Variants in SIN3B observed in about 807,000 individuals in gnomAD.
The protein encoded by SIN3B is paired amphipathic helix protein Sin3b.
A neutral mutation model predicts 120.2 loss-of-function variants in SIN3B; 19 were observed. That is an observed-to-expected ratio of 0.16 (90% CI 0.11 to 0.23). The LOEUF (loss-of-function observed/expected upper bound fraction) is 0.23. Ranked by LOEUF, SIN3B falls within the 10% of genes least tolerant of loss-of-function variation. The pLI, the probability that SIN3B is intolerant of heterozygous loss-of-function variation, is 1.00. For synonymous variants in SIN3B, 654 were observed against 653.2 expected (o/e 1.00, Z -0.02); for missense variants, 1,073 against 1,573.0 (o/e 0.68, Z 5.38).
intron 6 of SIN3B, among the ~76,000 whole-genome samples, chr19:16,852,528 TG>T (rs1198039676): frequency 4.6e-5 from 7 of 152,212 alleles, no homozygotes; most frequent in Admixed American, 6.5e-5. Flanking sequence ...ATTACAGGCG[TG>T]AGTCCCTGCA....
intron 5 of SIN3B, among the ~76,000 whole-genome samples, chr19:16,850,803 G>A (rs527882430): frequency 6.6e-6 from 1 of 152,322 alleles, no homozygotes; most frequent in African/African-American, 2.4e-5. Flanking sequence ...TTGGCACCCT[G>A]TAGGCACCCT....
chr19:16,862,370 T>C lies in SIN3B; in HGVS notation c.1077T>C (p.Phe359=), dbSNP rs1203310924. The C allele has an allele frequency of 4.3e-6, 7 of 1,614,002 alleles. No homozygotes were observed. The South Asian group carries it at 5.5e-5, about 13-fold the overall frequency. ...SPFLGKFPEL[F]AQFKSFLGVK... ...TTTGAAGGAAATTTCCAGAACTCTT[T>C]GCACAGTTCAAGTCCTTCCTGGGGG... is the stretch of plus-strand genomic sequence containing the variant. The change falls in exon 9 of 19, where the codon TTT becomes TTC. Residue 359 remains phenylalanine, a synonymous_variant. Transcript: ENST00000248054. This position sits in a 1 kb window ranked among gnomAD's most constrained non-coding sequence, Gnocchi z 4.7.
Position 16,829,778 on chromosome 19 carries a change from C to A in SIN3B, c.121-13C>A. 4 of 1,604,464 alleles carry A rather than the reference C, an allele frequency of 2.5e-6. No individual in the cohort carries two copies. The highest frequency in any genetic ancestry group is 3.4e-6 in the Non-Finnish European group (4 of 1,171,604). On this transcript the variant is annotated splice_polypyrimidine_tract_variant and intron_variant, in intron 1 of 18. Transcript: ENST00000248054. Reference sequence around the variant, plus strand: ...GCGGCCAGGGCCCACCGGGACCCTCCCCCTCTCTGCAGGTAGAAGACGCCC... The same window carrying A: ...GCGGCCAGGGCCCACCGGGACCCTCACCCTCTCTGCAGGTAGAAGACGCCC...
chr19:16,854,197 G>A lies in SIN3B; in HGVS notation c.994G>A (p.Ala332Thr), dbSNP rs760752165. 10 of 1,612,608 alleles carry A rather than the reference G, an allele frequency of 6.2e-6. No individual in the cohort carries two copies. The highest frequency in any genetic ancestry group is 1.7e-5 in the Admixed American group (1 of 59,938). ...GTATGAAAACTTCCTCCGCTGCATCGCACTCTTCAACCAGGAGCTGGTGTC... is the reference window on the plus strand; with the variant it reads ...GTATGAAAACTTCCTCCGCTGCATCACACTCTTCAACCAGGAGCTGGTGTC... ...EVYENFLRCI[A>T]LFNQELVSGS... The change falls in exon 8 of 19, where the codon GCA becomes ACA. Residue 332 changes from alanine (A) to threonine (T), a missense_variant. This residue lies in a region of SIN3B where 395 missense variants were observed against 528.0 expected (regional missense o/e 0.75). Coordinates refer to ENST00000248054, the MANE Select transcript of SIN3B (RefSeq NM_001297595.2).
intron 13 of SIN3B, among the ~76,000 whole-genome samples, chr19:16,870,857 T>A (rs1277219763): frequency 6.6e-6 from 1 of 151,956 alleles, no homozygotes; most frequent in African/African-American, 2.4e-5. Context: ...CCCAGCCCAA[T>A]TTTTTGTATT....
chr19:16,829,784 T>C lies in SIN3B; in HGVS notation c.121-7T>C. On this transcript the variant is annotated splice_region_variant and splice_polypyrimidine_tract_variant and intron_variant, in intron 1 of 18. Transcript: ENST00000248054. The stretch of plus-strand genomic sequence containing the variant: ...AGGGCCCACCGGGACCCTCCCCCTC[T>C]CTGCAGGTAGAAGACGCCCTCACCT... 6.2e-7 allele frequency: 1 copy of C among 1,603,924 alleles called. No individual in the cohort carries two copies. The highest frequency in any genetic ancestry group is 8.5e-7 in the Non-Finnish European group (1 of 1,173,194).
chr19:16,871,621 G>A (rs947518928), intron 14 of SIN3B: 11 of 501,846 alleles, frequency 2.2e-5, no homozygotes, highest in African/African-American at 1.8e-4. Flanking sequence ...CCTCTGTCTA[G>A]TTCCAGAACA....
Position 16,857,547 on chromosome 19 carries a change from GTGTGTGTA to G in SIN3B, c.1058+3288_1058+3295del, listed in dbSNP as rs1351881115. ...TGTGTGTGTGTGTGTGTGTGTGTGT[GTGTGTGTA>G]TATATACACATAAACATTTTTCTAA... On this transcript the variant is annotated intron_variant, in intron 8 of 18. Coordinates refer to ENST00000248054, the MANE Select transcript of SIN3B (RefSeq NM_001297595.2). Among the ~76,000 whole-genome samples, 474 of 144,360 alleles carry G rather than the reference GTGTGTGTA, an allele frequency of 3.3e-3. 5 individuals are homozygous for G. Among genetic ancestry groups the G allele is most frequent in the African/African-American group, 0.012 (451 of 37,998 alleles). 94.7% of individuals were successfully genotyped at this position (144,360 alleles called of 152,430 possible).
chr19:16,832,191 CT>C lies in SIN3B; in HGVS notation c.381+567del, dbSNP rs10528185. ...TTCTTGGGTGATAGGTGCTGGCCCT[CT>C]TTTTTTTTTTTTTTTTTTTTTTGGA... On this transcript the variant is annotated intron_variant, in intron 3 of 18. Coordinates refer to ENST00000248054, the MANE Select transcript of SIN3B (RefSeq NM_001297595.2). Among the ~76,000 whole-genome samples, 626 of 125,292 alleles carry C rather than the reference CT, an allele frequency of 5.0e-3. 3 individuals carry two copies. Among genetic ancestry groups the C allele is most frequent in the Non-Finnish European group, 8.5e-3 (507 of 59,716 alleles). 82.2% of individuals were successfully genotyped at this position (125,292 alleles called of 152,430 possible). A position where few individuals can be genotyped will look rare whatever the true frequency, so the allele number is the denominator to read the frequency against.
Position 16,869,506 on chromosome 19 carries a change from C to T in SIN3B, c.1853C>T (p.Pro618Leu), listed in dbSNP as rs2051476705. The T allele has an allele frequency of 3.7e-6, 6 of 1,613,544 alleles. No individual in the cohort carries two copies. The highest frequency in any genetic ancestry group is 5.1e-6 in the Non-Finnish European group (6 of 1,179,742). ...SEGRSAPSSE[P>L]HLIFVYEDRQ... Reference sequence around the variant, plus strand: ...GGCCGCAGTGCCCCCTCTAGCGAGCCGCACCTCATCTTTGTGTACGAGGAC... The same window carrying T: ...GGCCGCAGTGCCCCCTCTAGCGAGCTGCACCTCATCTTTGTGTACGAGGAC... The change falls in exon 13 of 19, where the codon CCG becomes CTG. Residue 618 changes from proline (P) to leucine (L), a missense_variant. By Grantham distance (98) the Pro-to-Leu change is moderately conservative. Around this residue, in one of 7 missense-constraint regions of SIN3B, gnomAD observed 169 missense variants for 207.3 expected, o/e 0.82. Transcript: ENST00000248054.
intron 14 of SIN3B, among the ~76,000 whole-genome samples, chr19:16,871,863 G>C (rs774354168): frequency 6.6e-6 from 1 of 152,166 alleles, no homozygotes; most frequent in Non-Finnish European, 1.5e-5. Context: ...ATGCTGCTCT[G>C]AACATTTGTG....
chr19:16,851,133 C>CT (rs1971539450), intron 5 of SIN3B, among the ~76,000 whole-genome samples: 1 of 152,262 alleles, frequency 6.6e-6, no homozygotes, highest in South Asian at 2.1e-4. Flanking sequence ...ACTCAGCTGT[C>CT]TCCCTCCTGA....
intron 3 of SIN3B, among the ~76,000 whole-genome samples, chr19:16,834,829 C>T (rs1278799919): frequency 6.6e-6 from 1 of 152,218 alleles, no homozygotes; most frequent in South Asian, 2.1e-4. Context: ...TTTCGGCTCC[C>T]TGGAGTCCTT....
intron 11 of SIN3B, 107 bp downstream of exon 11, chr19:16,865,755 C>A: frequency 1.3e-6 from 1 of 756,716 alleles, no homozygotes; most frequent in Non-Finnish European, 2.1e-6. Flanking sequence ...CTCATTAGTG[C>A]TGTTTGTCAA....
At chr19:16,864,951 T>C (rs1841905546) in intron 10 of SIN3B, among the ~76,000 whole-genome samples, 1 of 151,886 alleles carries the variant, frequency 6.6e-6, no homozygotes, top group South Asian at 2.1e-4. Flanking sequence ...TCTCCTGCCT[T>C]AGCCTCCTGA....
At chr19:16,864,423 G>C (rs1293614560) in intron 10 of SIN3B, among the ~76,000 whole-genome samples, 2 of 152,014 alleles carry the variant, frequency 1.3e-5, no homozygotes, top group African/African-American at 4.8e-5. Flanking sequence ...TGACCTCCCA[G>C]GCTCAAATGA....
At chr19:16,849,273 G>A (rs1270768634) in intron 5 of SIN3B, among the ~76,000 whole-genome samples, 1 of 152,226 alleles carries the variant, frequency 6.6e-6, no homozygotes, top group Non-Finnish European at 1.5e-5. Flanking sequence ...GGGCCAGATA[G>A]TAAGTATCAC....
intron 13 of SIN3B, 96 bp from the exon 14 acceptor site, chr19:16,871,133 T>C: frequency 3.4e-6 from 5 of 1,485,350 alleles, no homozygotes; most frequent in Non-Finnish European, 4.7e-6. Flanking sequence ...TTGGGCCCCA[T>C]GGGGGCATTT....
At chr19:16,873,525 C>T (rs923855171) in intron 14 of SIN3B, among the ~76,000 whole-genome samples, 22 of 143,136 alleles carry the variant, frequency 1.5e-4, no homozygotes, top group Non-Finnish European at 2.6e-4. Context: ...TGTCCCCTCC[C>T]CCCCCCCCCA....
Sources: allele counts gnomAD v4.1 joint callset (sites outside exome capture counted in the v4.1 genomes callset), GRCh38; gene constraint gnomAD v4.1.1; regional missense constraint gnomAD v4.1.1; non-coding constraint Gnocchi (gnomAD v3.1); transcripts MANE v1.5; gene names NCBI Gene and HGNC (gene_info 2026-07-23, HGNC 2026-07-21).